Variants in DOCK7 observed in about 807,000 individuals in gnomAD.
DOCK7 encodes the protein dedicator of cytokinesis 7, also known as dedicator of cytokinesis protein 7.
DOCK7 carries 138 observed loss-of-function variants against 271.0 expected under a neutral mutation model. The ratio of observed to expected loss-of-function variants is 0.51; its 90% CI spans 0.44 to 0.59. The LOEUF (loss-of-function observed/expected upper bound fraction) is 0.59. DOCK7 is among the 20% of genes least tolerant of loss of function. The probability of loss-of-function intolerance (pLI) is 0.00; values close to 1 mark genes in which losing one functional copy is unlikely to be tolerated. For synonymous variants in DOCK7, 823 were observed against 876.1 expected (o/e 0.94, Z 1.07); for missense variants, 2,066 against 2,592.4 (o/e 0.80, Z 4.41).
intron 19 of DOCK7, among the ~76,000 whole-genome samples, chr1:62,561,240 A>C (rs1296166952): frequency 2.6e-5 from 4 of 152,210 alleles, no homozygotes; most frequent in Non-Finnish European, 5.9e-5. Flanking sequence ...GGTATATTCC[A>C]AAAATAAGGA....
At chr1:62,675,772 G>A (rs1260312689) in intron 1 of DOCK7, among the ~76,000 whole-genome samples, 3 of 151,692 alleles carry the variant, frequency 2.0e-5, no homozygotes, top group South Asian at 2.1e-4. Flanking sequence ...GCGACAGTGC[G>A]AGACTCCATC....
chr1:62,607,704 A>G (rs1427603104), intron 14 of DOCK7: 1 of 152,192 alleles, frequency 6.6e-6, no homozygotes, highest in East Asian at 1.9e-4. Flanking sequence ...ATATGCACAA[A>G]TTTCTTTCAG....
At chr1:62,548,483 C>T (rs528585506) in intron 22 of DOCK7, among the ~76,000 whole-genome samples, 6 of 150,092 alleles carry the variant, frequency 4.0e-5, no homozygotes, top group East Asian at 2.0e-4. Flanking sequence ...TGCAATGGCG[C>T]GATCTTGGCT....
rs767314928 is a variant in DOCK7, at chr1:62,457,603, T to C, written c.6315A>G (p.Leu2105=). 5.0e-6 allele frequency: 8 copies of C among 1,614,218 alleles called. No homozygotes were observed. The highest frequency in any genetic ancestry group is 1.1e-5 in the South Asian group (1 of 91,084). ...GGATCTTTCTGTTGATCAGTGGCTG[T>C]AGGGCCTCTTTAAGGCGATGATAGT... ...ERNYHRLKEA[L]QPLINRKIPQ... Residue 2105 remains leucine (L), a synonymous_variant, in exon 49 of 50, where the codon CTA becomes CTG. Transcript: ENST00000635253.
Position 62,688,170 on chromosome 1 carries a change from G to A in DOCK7, c.38+57C>T, listed in dbSNP as rs948018847. ...CCGCCTCCTAGGCCAGGCCTGGGAG[G>A]ACTCCGCGGCTCTTTCTCGGGCGGC... is the stretch of plus-strand genomic sequence containing the variant. On this transcript the variant is annotated intron_variant, in intron 1 of 49. Coordinates refer to ENST00000635253, the MANE Select transcript of DOCK7 (RefSeq NM_001367561.1). 26 of 1,333,598 alleles carry A rather than the reference G, an allele frequency of 1.9e-5. No homozygotes were observed. In the East Asian group the frequency reaches 3.4e-4, roughly 17 times the overall value. The allele number at this position is 1,333,598 out of a possible 1,614,324, so 82.6% of individuals were successfully genotyped here. A position where few individuals can be genotyped will look rare whatever the true frequency, so the allele number is the denominator to read the frequency against.
intron 1 of DOCK7, among the ~76,000 whole-genome samples, chr1:62,663,679 T>C (rs922583418): frequency 6.6e-6 from 1 of 152,196 alleles, no homozygotes; most frequent in Admixed American, 6.5e-5. Flanking sequence ...AGATTTAAGA[T>C]ATAATCTTTT....
chr1:62,530,300 A>G (rs1311173063), intron 29 of DOCK7, among the ~76,000 whole-genome samples: 2 of 152,208 alleles, frequency 1.3e-5, no homozygotes, highest in African/African-American at 2.4e-5. Flanking sequence ...TATAGCTCAC[A>G]AAGAGTCTTT....
chr1:62,613,888 C>A (rs1652115590), intron 14 of DOCK7, among the ~76,000 whole-genome samples: 2 of 151,894 alleles, frequency 1.3e-5, no homozygotes. Flanking sequence ...AAATTTGAAC[C>A]CCCTGAACTT....
chr1:62,687,447 G>C (rs1220834869), intron 1 of DOCK7: 1 of 152,234 alleles, frequency 6.6e-6, no homozygotes, highest in African/African-American at 2.4e-5. Flanking sequence ...AAGGATGTCA[G>C]TGTATAAAGA....
At chr1:62,525,941 C>CT (rs1015585710) in intron 31 of DOCK7, among the ~76,000 whole-genome samples, 2 of 151,942 alleles carry the variant, frequency 1.3e-5, no homozygotes, top group African/African-American at 4.8e-5. Context: ...AAATAGCAAC[C>CT]TTTTTTTTCT....
chr1:62,648,954 A>C (rs1305677857), intron 4 of DOCK7, among the ~76,000 whole-genome samples: 1 of 152,164 alleles, frequency 6.6e-6, no homozygotes, highest in African/African-American at 2.4e-5. Flanking sequence ...CTGAATCTTA[A>C]AATTTCAAGT....
At chr1:62,538,084 G>C in intron 27 of DOCK7, 23 bp from the exon 28 acceptor site, 2 of 1,598,736 alleles carry the variant, frequency 1.3e-6, no homozygotes, top group Non-Finnish European at 1.7e-6. Context: ...GCATAAGTAA[G>C]AGAACACCAA....
chr1:62,671,589 C>T (rs1660011625), intron 1 of DOCK7, among the ~76,000 whole-genome samples: 1 of 151,960 alleles, frequency 6.6e-6, no homozygotes, highest in Non-Finnish European at 1.5e-5. Flanking sequence ...TTAGAGTAAA[C>T]CAATTCATAA....
chr1:62,470,514 A>C (rs1645800537), intron 48 of DOCK7, among the ~76,000 whole-genome samples: 1 of 152,138 alleles, frequency 6.6e-6, no homozygotes, highest in Non-Finnish European at 1.5e-5. Context: ...TGGGTGCACC[A>C]AAATCTCACA....
chr1:62,601,270 C>A, intron 14 of DOCK7: 2 of 1,053,760 alleles, frequency 1.9e-6, no homozygotes, highest in Non-Finnish European at 2.9e-6. Context: ...TTGTTCTAGA[C>A]TAAAAGATAG....
intron 14 of DOCK7, among the ~76,000 whole-genome samples, chr1:62,589,179 GA>G: frequency 6.6e-6 from 1 of 152,264 alleles, no homozygotes; most frequent in East Asian, 1.9e-4. Context: ...CATCATATGA[GA>G]GGCAGGAATA....
At chr1:62,659,164 T>C (rs1194769026) in intron 2 of DOCK7, among the ~76,000 whole-genome samples, 3 of 152,072 alleles carry the variant, frequency 2.0e-5, no homozygotes, top group Non-Finnish European at 4.4e-5. Context: ...GAGCAAAAAA[T>C]ATAGGTAAAT....
chr1:62,634,130 A>T (rs943168219), intron 9 of DOCK7, among the ~76,000 whole-genome samples: 12 of 151,856 alleles, frequency 7.9e-5, no homozygotes, highest in African/African-American at 2.4e-4. Flanking sequence ...AAGGAAATTT[A>T]AAAAAAAATT....
At chr1:62,500,080 G>A (rs1033735196) in intron 37 of DOCK7, among the ~76,000 whole-genome samples, 1 of 152,092 alleles carries the variant, frequency 6.6e-6, no homozygotes, top group Non-Finnish European at 1.5e-5. Flanking sequence ...ATAAATGCTT[G>A]GGCCAAGATA....
Sources: gnomAD v4.1 joint callset for allele counts (sites outside exome capture counted in the v4.1 genomes callset) on GRCh38, gnomAD v4.1.1 for gene constraint, MANE v1.5 for transcripts, NCBI Gene and HGNC (gene_info 2026-07-23, HGNC 2026-07-21) for gene names.